DNAH5: variants seen among roughly 807,000 people sequenced by gnomAD.
DNAH5 encodes the protein axonemal beta dynein heavy chain 5.
DNAH5 carries 372 observed loss-of-function variants against 518.2 expected under a neutral mutation model. That is an observed-to-expected ratio of 0.72 (90% CI 0.66 to 0.78). DNAH5 has a LOEUF of 0.78. Ranked by LOEUF, DNAH5 falls within the 30% of genes least tolerant of loss-of-function variation. The pLI is 0.00. For synonymous variants in DNAH5, 2,039 were observed against 2,025.9 expected (o/e 1.01, Z -0.17); for missense variants, 5,523 against 5,687.0 (o/e 0.97, Z 0.93).
At chr5:14,006,567 G>A (rs749612386) in intron 1 of DNAH5, among the ~76,000 whole-genome samples, 3 of 152,058 alleles carry the variant, frequency 2.0e-5, no homozygotes, top group Non-Finnish European at 4.4e-5. Context: ...CGATCATATC[G>A]GATTGGAGCC....
At chr5:13,920,773 G>A (rs978093236) in intron 5 of DNAH5, among the ~76,000 whole-genome samples, 156 bp from the exon 6 acceptor site, 3 of 151,956 alleles carry the variant, frequency 2.0e-5, no homozygotes, top group African/African-American at 7.3e-5. Context: ...CTTTGTCCAC[G>A]CTGCCCCCAG....
chr5:13,823,120 C>T (rs1280122670), intron 40 of DNAH5, 143 bp downstream of exon 40: 13 of 752,918 alleles, frequency 1.7e-5, no homozygotes, highest in Non-Finnish European at 2.7e-5. Context: ...GCATTGGCCT[C>T]CCTTAAGACA....
chr5:13,833,825 G>A (rs1476827675), intron 35 of DNAH5, among the ~76,000 whole-genome samples: 3 of 152,148 alleles, frequency 2.0e-5, no homozygotes, highest in African/African-American at 7.2e-5. Context: ...AAAACACTAC[G>A]AGTTTTGGAG....
Position 13,700,730 on chromosome 5 carries a change from A to G in DNAH5, c.13633T>C (p.Trp4545Arg), listed in dbSNP as rs1161303371. The G allele has an allele frequency of 1.9e-6, 3 of 1,614,174 alleles. No homozygotes were observed. The highest frequency in any genetic ancestry group is 2.5e-6 in the Non-Finnish European group (3 of 1,180,010). ...VYGLYLEGAG[W>R]DKRNMKLIES... ...ATGAGTTTCATGTTCCTCTTGTCCC[A>G]GCCAGCACCTTCAAGATATAAGCCA... The change falls in exon 78 of 79, where the codon TGG becomes CGG. Residue 4545 changes from tryptophan (W) to arginine (R), a missense_variant. Coordinates refer to ENST00000265104, the MANE Select transcript of DNAH5 (RefSeq NM_001369.3).
chr5:13,952,136 C>CTACCACCA (rs3058991), intron 1 of DNAH5, among the ~76,000 whole-genome samples: 2 of 151,784 alleles, frequency 1.3e-5, no homozygotes, highest in African/African-American at 4.8e-5. Context: ...CATTAATTAA[C>CTACCACCA]TAGAGGGATC....
At chr5:13,865,546 A>C in intron 27 of DNAH5, 122 bp downstream of exon 27, 1 of 766,486 alleles carries the variant, frequency 1.3e-6, no homozygotes, top group Non-Finnish European at 2.4e-6. Context: ...GTCAATGGAC[A>C]AGAACAATGC....
chr5:13,773,304 T>C (rs1159313204), intron 55 of DNAH5, among the ~76,000 whole-genome samples: 1 of 152,120 alleles, frequency 6.6e-6, no homozygotes, highest in Non-Finnish European at 1.5e-5. Flanking sequence ...ATGGGAAAAT[T>C]TCAAATATTC....
chr5:13,700,537 G>T, intron 78 of DNAH5, 103 bp downstream of exon 78: 1 of 1,168,720 alleles, frequency 8.6e-7, no homozygotes, highest in Non-Finnish European at 1.3e-6. Flanking sequence ...AGATAAGAGA[G>T]CAAAATCTCT....
intron 24 of DNAH5, among the ~76,000 whole-genome samples, chr5:13,869,678 GA>G: frequency 6.6e-6 from 1 of 152,252 alleles, no homozygotes; most frequent in Admixed American, 6.5e-5. Flanking sequence ...GAGCTGGAAA[GA>G]AATATACCAA....
intron 15 of DNAH5, among the ~76,000 whole-genome samples, chr5:13,895,377 C>T (rs557394436): frequency 7.2e-5 from 11 of 152,248 alleles, no homozygotes; most frequent in African/African-American, 2.6e-4. Context: ...TCCTACACAG[C>T]CTAAAAAGGG....
intron 75 of DNAH5, among the ~76,000 whole-genome samples, chr5:13,714,180 T>A (rs1743981505): frequency 6.6e-6 from 1 of 152,226 alleles, no homozygotes; most frequent in African/African-American, 2.4e-5. Context: ...CAATCATAAG[T>A]ATTAACATTC....
At chr5:13,972,186 C>G (rs1781920276) in intron 1 of DNAH5, among the ~76,000 whole-genome samples, 1 of 152,124 alleles carries the variant, frequency 6.6e-6, no homozygotes, top group African/African-American at 2.4e-5. Context: ...CCAACAGCAG[C>G]AAGTTTATTT....
intron 48 of DNAH5, 42 bp from the exon 49 acceptor site, chr5:13,793,770 T>C (rs765363266): frequency 1.9e-6 from 3 of 1,598,022 alleles, no homozygotes; most frequent in East Asian, 2.2e-5. Flanking sequence ...CATTCCTTTC[T>C]ATCCCCGGAG....
At chr5:13,726,329 C>T (rs1745730390) in intron 70 of DNAH5, among the ~76,000 whole-genome samples, 1 of 152,150 alleles carries the variant, frequency 6.6e-6, no homozygotes, top group Non-Finnish European at 1.5e-5. Flanking sequence ...TGCATTTCTT[C>T]TAGTGTGTGC....
At chr5:13,894,915 A>G (rs879801546) in intron 15 of DNAH5, 94 bp from the exon 16 acceptor site, 5 of 1,423,896 alleles carry the variant, frequency 3.5e-6, no homozygotes, top group Non-Finnish European at 4.9e-6. Context: ...ACTTTTATTT[A>G]GGGTCAAACT....
At chr5:13,841,226 G>A in intron 33 of DNAH5, 96 bp from the exon 34 acceptor site, 7 of 988,010 alleles carry the variant, frequency 7.1e-6, no homozygotes, top group Non-Finnish European at 1.1e-5. Flanking sequence ...TGTTACACAA[G>A]TGTAAAGCCA....
Position 13,770,979 on chromosome 5 carries a change from C to A in DNAH5, c.9375G>T (p.Val3125=). The change falls in exon 56 of 79, where the codon GTG becomes GTT. Residue 3125 remains valine (V), a splice_region_variant and synonymous_variant. Coordinates refer to ENST00000265104, the MANE Select transcript of DNAH5 (RefSeq NM_001369.3). ...CATAGGAAGTGAGGAAGTGTTCAGA[C>A]ACTAGAGAGAATAAAGATGACAGTG... ...SRWPKDALVA[V]SEHFLTSYDI... is the part of the protein sequence containing the mutation. 1 of 1,604,658 alleles carries A rather than the reference C, an allele frequency of 6.2e-7. No homozygotes were observed. The highest frequency in any genetic ancestry group is 8.5e-7 in the Non-Finnish European group (1 of 1,171,570).
chr5:13,839,487 C>T lies in DNAH5; in HGVS notation c.5751G>A (p.Leu1917=), dbSNP rs868033774. 1 of 1,613,960 alleles carries T rather than the reference C, an allele frequency of 6.2e-7. No individual in the cohort carries two copies. The highest frequency in any genetic ancestry group is 2.2e-5 in the East Asian group (1 of 44,884). ...CGTTAAAGTAAAATCTGCACTGTTT[C>T]AGCCACTCAAAGTCCATGGGACTCT... ...HIKSPMDFEW[L]KQCRFYFNED... The change falls in exon 35 of 79, where the codon CTG becomes CTA. Residue 1917 remains leucine (L), a synonymous_variant. Transcript: ENST00000265104.
At chr5:13,963,309 G>A (rs191648819) in intron 1 of DNAH5, among the ~76,000 whole-genome samples, 72 of 152,252 alleles carry the variant, frequency 4.7e-4, no homozygotes, top group Admixed American at 3.9e-3. Context: ...CGGAAGCGGT[G>A]GCTCACGCCT....
Sources: gnomAD v4.1 joint callset for allele counts (sites outside exome capture counted in the v4.1 genomes callset) on GRCh38, gnomAD v4.1.1 for gene constraint, MANE v1.5 for transcripts, NCBI Gene and HGNC (gene_info 2026-07-23, HGNC 2026-07-21) for gene names.